The following PLSCR2 variants were observed in gnomAD, a reference collection of about 807,000 sequenced individuals.
The protein encoded by PLSCR2 is phospholipid scramblase 2, also known as PL scramblase 2.
Under a neutral mutation model 25.3 loss-of-function variants are expected in PLSCR2, and 18 were observed. That is an observed-to-expected ratio of 0.71 (90% confidence interval 0.49 to 1.06). PLSCR2 has a LOEUF of 1.06. PLSCR2 is among the 50% of genes least tolerant of loss of function. The probability of loss-of-function intolerance (pLI) is 0.00; values close to 1 mark genes in which losing one functional copy is unlikely to be tolerated. For synonymous variants in PLSCR2, 88 were observed against 87.3 expected (o/e 1.01, Z -0.04); for missense variants, 243 against 269.5 (o/e 0.90, Z 0.69).
upstream of PLSCR2, chr3:146,463,931 C>T: frequency 9.2e-6 from 9 of 978,442 alleles, no homozygotes; most frequent in Non-Finnish European, 1.1e-5. Context: ...ATAGTCACCT[C>T]TTAGTTACAT....
chr3:146,459,775 A>G (rs2041450115), intron 2 of PLSCR2, 73 bp downstream of exon 2: 1 of 1,081,820 alleles, frequency 9.2e-7, no homozygotes, highest in Admixed American at 2.3e-5. Flanking sequence ...TCACTTAACC[A>G]TAATTACTAT....
intron 3 of PLSCR2, among the ~76,000 whole-genome samples, chr3:146,393,114 C>T (rs1453278867): frequency 4.0e-5 from 6 of 148,828 alleles, no homozygotes; most frequent in East Asian, 2.0e-4. Context: ...CTGCAAGCTC[C>T]GCCTCCCTGG....
chr3:146,448,887 A>G (rs112119958), intron 6 of PLSCR2, among the ~76,000 whole-genome samples: 4 of 152,272 alleles, frequency 2.6e-5, no homozygotes, highest in African/African-American at 9.6e-5. Context: ...GTTTTATTCC[A>G]TGTAAGACTA....
At chr3:146,456,981 T>C (rs2041257493) in intron 3 of PLSCR2, among the ~76,000 whole-genome samples, 1 of 152,064 alleles carries the variant, frequency 6.6e-6, no homozygotes, top group African/African-American at 2.4e-5. Context: ...ATCTTAATTA[T>C]ATATTCCATA....
At chr3:146,465,150 A>C (rs2041803877), upstream of PLSCR2, among the ~76,000 whole-genome samples, 1 of 152,150 alleles carries the variant, frequency 6.6e-6, no homozygotes, top group Non-Finnish European at 1.5e-5. Flanking sequence ...AACCTGAACT[A>C]ATCTACCGTT....
At chr3:146,414,277 CT>C (rs1397184936) in intron 2 of PLSCR2, among the ~76,000 whole-genome samples, 1 of 152,218 alleles carries the variant, frequency 6.6e-6, no homozygotes, top group African/African-American at 2.4e-5. Context: ...AGCACATGAA[CT>C]TTGGTGAACA....
intron 2 of PLSCR2, among the ~76,000 whole-genome samples, chr3:146,399,476 A>T (rs2107992289): frequency 6.6e-6 from 1 of 152,028 alleles, no homozygotes; most frequent in Non-Finnish European, 1.5e-5. Flanking sequence ...TAGTATAAAT[A>T]TGCTGTATTT....
chr3:146,455,099 A>C (rs2041123837), intron 4 of PLSCR2, 140 bp downstream of exon 4: 1 of 630,054 alleles, frequency 1.6e-6, no homozygotes. Flanking sequence ...CTTCCTTCTT[A>C]TACAATTGAT....
chr3:146,420,403 A>G (rs1379021705), intron 2 of PLSCR2, among the ~76,000 whole-genome samples: 1 of 152,090 alleles, frequency 6.6e-6, no homozygotes, highest in Non-Finnish European at 1.5e-5. Context: ...TTTTCAATAA[A>G]TATATTGGTT....
chr3:146,483,509 A>ATATACATGTGTATATATAT (rs1553791539), intron 1 of PLSCR2, among the ~76,000 whole-genome samples: 1 of 127,064 alleles, frequency 7.9e-6, no homozygotes, highest in Non-Finnish European at 1.7e-5. Flanking sequence ...ATATATATAT[A>ATATACATGTGTATATATAT]ATGTTACTAC....
chr3:146,449,193 G>A lies in PLSCR2; in HGVS notation c.645+13C>T. On this transcript the variant is annotated intron_variant, in intron 6 of 6. Transcript: ENST00000610787. ...AAGCCATCTGTCACCAAGATTAGCA[G>A]GAATAGACTTACAATGAGGAAACAG... 6.3e-7 allele frequency: 1 copy of A among 1,599,070 alleles called. No individual in the cohort carries two copies.
chr3:146,437,901 G>A (rs1467832695), downstream of PLSCR2, among the ~76,000 whole-genome samples: 2 of 152,046 alleles, frequency 1.3e-5, no homozygotes, highest in African/African-American at 4.8e-5. Context: ...GCTTTCTCTT[G>A]TGGGCATTTA....
intron 2 of PLSCR2, among the ~76,000 whole-genome samples, chr3:146,421,515 G>A (rs942419960): frequency 6.6e-6 from 1 of 152,006 alleles, no homozygotes; most frequent in African/African-American, 2.4e-5. Context: ...ATCAACATTT[G>A]AAACAGAATA....
intron 6 of PLSCR2, among the ~76,000 whole-genome samples, chr3:146,446,783 T>C (rs933870869): frequency 2.6e-5 from 4 of 152,170 alleles, no homozygotes; most frequent in Non-Finnish European, 2.9e-5. Context: ...CCAGAGATAC[T>C]GTCCAGGAGC....
intron 1 of PLSCR2, among the ~76,000 whole-genome samples, chr3:146,492,764 C>T (rs555332005): frequency 6.6e-6 from 1 of 151,942 alleles, no homozygotes; most frequent in South Asian, 2.1e-4. Flanking sequence ...AGGAAACCAA[C>T]CCCAAAGCTC....
At chr3:146,451,295 A>G (rs1219195421) in intron 5 of PLSCR2, among the ~76,000 whole-genome samples, 2 of 151,642 alleles carry the variant, frequency 1.3e-5, no homozygotes, top group African/African-American at 4.8e-5. Context: ...TTGTATTTTT[A>G]GTAGAGACGG....
intron 1 of PLSCR2, among the ~76,000 whole-genome samples, chr3:146,486,518 A>C (rs2043349521): frequency 6.6e-6 from 1 of 152,218 alleles, no homozygotes; most frequent in South Asian, 2.1e-4. Flanking sequence ...AATACAACAA[A>C]CCATCAGAGA....
intron 2 of PLSCR2, among the ~76,000 whole-genome samples, chr3:146,426,094 C>T (rs1197384474): frequency 6.6e-6 from 1 of 152,126 alleles, no homozygotes; most frequent in African/African-American, 2.4e-5. Context: ...ATTTCTTCTA[C>T]TTCTAATTAG....
At chr3:146,455,574 G>T in intron 3 of PLSCR2, 115 bp from the exon 4 acceptor site, 3 of 667,196 alleles carry the variant, frequency 4.5e-6, no homozygotes, top group South Asian at 3.8e-5. Context: ...AGAACAAAAA[G>T]GAATGGTATT....
Sources: allele counts gnomAD v4.1 joint callset (sites outside exome capture counted in the v4.1 genomes callset), GRCh38; gene constraint gnomAD v4.1.1; transcripts MANE v1.5; gene names NCBI Gene and HGNC (gene_info 2026-07-23, HGNC 2026-07-21).